Variants in CCDC178 observed in about 807,000 individuals in gnomAD.
The protein encoded by CCDC178 is coiled-coil domain-containing protein 178.
In CCDC178, 126 loss-of-function variants were observed where a neutral mutation model predicts 117.4. The observed-to-expected ratio is 1.07, with a 90% CI of 0.93 to 1.24. The LOEUF (loss-of-function observed/expected upper bound fraction) is 1.24. Ranked by LOEUF, CCDC178 falls within the 50% of genes most tolerant of loss-of-function variation. CCDC178 has a pLI of 0.00. For synonymous variants in CCDC178, 283 were observed against 313.4 expected, an observed-to-expected ratio of 0.90 and a Z score of 1.02; for missense variants, 1,030 against 986.9, an observed-to-expected ratio of 1.04 and a Z score of -0.59.
At chr18:33,412,202 T>C in intron 2 of CCDC178, 92 bp from the exon 3 acceptor site, 1 of 504,086 alleles carries the variant, frequency 2.0e-6, no homozygotes, top group Non-Finnish European at 3.5e-6. Flanking sequence ...ACTGATAGTG[T>C]AAAATGTAAG....
At chr18:33,373,823 C>T (rs917574362) in intron 5 of CCDC178, among the ~76,000 whole-genome samples, 1 of 152,088 alleles carries the variant, frequency 6.6e-6, no homozygotes, top group Non-Finnish European at 1.5e-5. Context: ...GATTTTTGTT[C>T]TCTCCATGAA....
chr18:33,361,103 A>G (rs1356124404), intron 6 of CCDC178, among the ~76,000 whole-genome samples: 2 of 151,724 alleles, frequency 1.3e-5, no homozygotes, highest in Non-Finnish European at 3.0e-5. Context: ...TTACAAAGCA[A>G]TCATAATCAA....
intron 14 of CCDC178, among the ~76,000 whole-genome samples, chr18:33,254,483 G>T (rs1419166258): frequency 2.0e-5 from 3 of 151,894 alleles, no homozygotes; most frequent in African/African-American, 7.3e-5. Context: ...AGGTGACTGA[G>T]ATATGAAGAT....
At chr18:33,398,876 C>T (rs1239729181) in intron 3 of CCDC178, among the ~76,000 whole-genome samples, 1 of 152,104 alleles carries the variant, frequency 6.6e-6, no homozygotes. Flanking sequence ...TAAAATATTT[C>T]TAAACATTGT....
chr18:33,169,185 C>G (rs553339100), intron 20 of CCDC178, among the ~76,000 whole-genome samples: 31 of 152,302 alleles, frequency 2.0e-4, no homozygotes, highest in Admixed American at 1.0e-3. Context: ...CTTTCTCTAT[C>G]AGGCATTATA....
intron 5 of CCDC178, among the ~76,000 whole-genome samples, chr18:33,370,634 T>C (rs936113031): frequency 1.3e-5 from 2 of 152,056 alleles, no homozygotes; most frequent in Admixed American, 6.6e-5. Flanking sequence ...TACTCATGCA[T>C]TGAAGTTCTT....
chr18:32,972,179 T>C (rs1329374152), intron 22 of CCDC178, among the ~76,000 whole-genome samples: 2 of 152,174 alleles, frequency 1.3e-5, no homozygotes, highest in African/African-American at 2.4e-5. Flanking sequence ...TCAATCCATC[T>C]TGAGCTAATT....
At chr18:32,985,376 C>T (rs1017859464) in intron 21 of CCDC178, among the ~76,000 whole-genome samples, 1 of 151,880 alleles carries the variant, frequency 6.6e-6, no homozygotes, top group Middle Eastern at 3.2e-3. Flanking sequence ...AATCATGGGT[C>T]AGAAAGTATA....
chr18:33,309,252 T>C (rs1019386988), intron 11 of CCDC178, among the ~76,000 whole-genome samples: 1 of 151,520 alleles, frequency 6.6e-6, no homozygotes, highest in Non-Finnish European at 1.5e-5. Flanking sequence ...GAATCAGTGG[T>C]AAAAATACCC....
chr18:33,211,947 C>T lies in CCDC178; in HGVS notation c.2187G>A (p.Gln729=), dbSNP rs866018562. The T allele has an allele frequency of 1.2e-6, 2 of 1,609,852 alleles. No individual in the cohort carries two copies. The highest frequency in any genetic ancestry group is 2.7e-5 in the African/African-American group (2 of 74,838). ...DCEERIFEED[Q]RFRVLLAVRQ... is the part of the protein sequence containing the mutation. ...TTACAGCAAGGAGCACTCTAAATCT[C>T]TGATCTTCCTCAAAGATTCTCTCTT... Residue 729 remains glutamine (Q), a synonymous_variant, in exon 20 of 23, where the codon CAG becomes CAA. Transcript: ENST00000383096.
At chr18:33,245,109 T>C in intron 15 of CCDC178, 136 bp downstream of exon 15, 1 of 810,892 alleles carries the variant, frequency 1.2e-6, no homozygotes, top group Admixed American at 4.1e-5. Flanking sequence ...GGTTTTCTTC[T>C]CATTTATAAG....
chr18:33,295,782 A>C (rs1365134772), intron 11 of CCDC178, among the ~76,000 whole-genome samples: 1 of 152,184 alleles, frequency 6.6e-6, no homozygotes, highest in East Asian at 1.9e-4. Flanking sequence ...TTTTTAAAAA[A>C]ATAGTGTTCT....
intron 22 of CCDC178, among the ~76,000 whole-genome samples, chr18:32,944,096 C>A (rs887777258): frequency 6.6e-6 from 1 of 152,048 alleles, no homozygotes; most frequent in African/African-American, 2.4e-5. Flanking sequence ...GATCCCCCTA[C>A]CCCCAGTAAA....
chr18:33,323,907 AAAT>A (rs2062551188), intron 10 of CCDC178, among the ~76,000 whole-genome samples: 1 of 151,838 alleles, frequency 6.6e-6, no homozygotes, highest in African/African-American at 2.4e-5. Flanking sequence ...TTTATTACTC[AAAT>A]AATACTTTAT....
At chr18:33,208,987 CAG>C (rs1381094031) in intron 20 of CCDC178, among the ~76,000 whole-genome samples, 1 of 151,900 alleles carries the variant, frequency 6.6e-6, no homozygotes, top group African/African-American at 2.4e-5. Context: ...AAAGAACACA[CAG>C]AGAAAGGAAA....
chr18:33,257,460 T>C (rs2059694786), intron 14 of CCDC178, among the ~76,000 whole-genome samples: 1 of 152,094 alleles, frequency 6.6e-6, no homozygotes. Flanking sequence ...AATTCCCTTG[T>C]TTACCAAGTT....
intron 20 of CCDC178, among the ~76,000 whole-genome samples, chr18:33,150,118 A>G (rs2058323465): frequency 6.6e-6 from 1 of 152,192 alleles, no homozygotes; most frequent in Admixed American, 6.5e-5. Context: ...TTGACAAAGC[A>G]TAAAAAACAT....
chr18:33,199,359 T>C (rs1845478237), intron 20 of CCDC178, among the ~76,000 whole-genome samples: 1 of 152,216 alleles, frequency 6.6e-6, no homozygotes, highest in Admixed American at 6.5e-5. Context: ...CCTGGTCATT[T>C]TCCACACTAA....
At chr18:33,198,797 G>A (rs1325951382) in intron 20 of CCDC178, among the ~76,000 whole-genome samples, 2 of 151,986 alleles carry the variant, frequency 1.3e-5, no homozygotes, top group Non-Finnish European at 2.9e-5. Context: ...TAAAAGAAAC[G>A]GTGGCAATGT....
Sources: gnomAD v4.1 joint callset for allele counts (sites outside exome capture counted in the v4.1 genomes callset) on GRCh38, gnomAD v4.1.1 for gene constraint, MANE v1.5 for transcripts, NCBI Gene and HGNC (gene_info 2026-07-23, HGNC 2026-07-21) for gene names.